The following USO1 variants were observed in gnomAD, a reference collection of about 807,000 sequenced individuals.
The protein encoded by USO1 is general vesicular transport factor p115.
Under a neutral mutation model 124.5 loss-of-function variants are expected in USO1, and 57 were observed. That is an observed-to-expected ratio of 0.46 (90% CI 0.37 to 0.57). The LOEUF (loss-of-function observed/expected upper bound fraction) is 0.57, where lower values mean the gene tolerates loss of function less well. USO1 is among the 20% of genes least tolerant of loss of function. USO1 has a pLI of 0.00. For missense variants in USO1, 900 were observed against 1,040.6 expected, an observed-to-expected ratio of 0.86 and a Z score of 1.86; for synonymous variants, 369 against 362.8, an observed-to-expected ratio of 1.02 and a Z score of -0.19.
intron 4 of USO1, chr4:75,767,676 T>A (rs1721805047): frequency 3.7e-6 from 1 of 272,738 alleles, no homozygotes; most frequent in Admixed American, 4.9e-5. Flanking sequence ...CAGGAGATCA[T>A]CCATTTTGAG....
At chr4:75,798,765 G>A (rs1722760746) in intron 13 of USO1, among the ~76,000 whole-genome samples, 1 of 151,846 alleles carries the variant, frequency 6.6e-6, no homozygotes, top group South Asian at 2.1e-4. Context: ...CATTTTATGA[G>A]ACTTTCCCCA....
At chr4:75,764,065 A>G (rs1322057363) in intron 4 of USO1, among the ~76,000 whole-genome samples, 1 of 152,224 alleles carries the variant, frequency 6.6e-6, no homozygotes, top group Non-Finnish European at 1.5e-5. Flanking sequence ...GTGTTAAACC[A>G]GAAGGAACCA....
chr4:75,770,678 G>C, intron 5 of USO1, 139 bp downstream of exon 5: 1 of 1,446,126 alleles, frequency 6.9e-7, no homozygotes, highest in Non-Finnish European at 9.1e-7. Context: ...CCACATGGAT[G>C]TTTCAAGAAC....
At chr4:75,812,848 C>T (rs1723188090) in intron 23 of USO1, among the ~76,000 whole-genome samples, 1 of 152,164 alleles carries the variant, frequency 6.6e-6, no homozygotes, top group African/African-American at 2.4e-5. Flanking sequence ...ACAGTGCTCA[C>T]ACCTGTAATC....
intron 4 of USO1, among the ~76,000 whole-genome samples, chr4:75,768,663 A>T (rs550299829): frequency 2.6e-5 from 4 of 152,346 alleles, no homozygotes; most frequent in African/African-American, 9.6e-5. Flanking sequence ...CTTCAGGTCA[A>T]TGTTGACTAG....
intron 4 of USO1, among the ~76,000 whole-genome samples, chr4:75,762,505 A>G (rs1721646260): frequency 1.3e-5 from 2 of 151,056 alleles, no homozygotes; most frequent in Non-Finnish European, 3.0e-5. Context: ...TTTTTTTTTT[A>G]AAGTATTTCT....
chr4:75,727,375 T>C (rs1720494992), intron 1 of USO1, among the ~76,000 whole-genome samples: 1 of 152,236 alleles, frequency 6.6e-6, no homozygotes, highest in Non-Finnish European at 1.5e-5. Context: ...TTCTTGTTCT[T>C]GCCTAACTTT....
Position 75,813,530 on chromosome 4 carries a change from T to C in USO1, c.*235T>C. 3.0e-6 allele frequency: 1 copy of C among 328,568 alleles called. No individual in the cohort carries two copies. The highest frequency in any genetic ancestry group is 5.3e-6 in the Non-Finnish European group (1 of 188,506). The allele number at this position is 328,568 out of a possible 1,614,324, so 20.4% of individuals were successfully genotyped here. A position where few individuals can be genotyped will look rare whatever the true frequency, so the allele number is the denominator to read the frequency against. ...ATCTGAACTGTCCCAAAATGTAATT[T>C]GCAAAGAGCTTCAAACACCAAAAAT... On this transcript the variant is annotated 3_prime_UTR_variant, in exon 24 of 24. Coordinates refer to ENST00000514213, the MANE Select transcript of USO1 (RefSeq NM_003715.4).
chr4:75,810,368 C>A, intron 21 of USO1, 64 bp from the exon 22 acceptor site: 2 of 1,484,212 alleles, frequency 1.3e-6, no homozygotes, highest in Non-Finnish European at 1.8e-6. Flanking sequence ...TTAAATAACC[C>A]TTTGGGAGTT....
Position 75,790,235 on chromosome 4 carries a change from C to G in USO1, c.1082C>G (p.Pro361Arg), listed in dbSNP as rs1208786831. 1 of 1,591,856 alleles carries G rather than the reference C, an allele frequency of 6.3e-7. No individual in the cohort carries two copies. ...FASVNAPSNP[P>R]RPAIVVLLMS... is the part of the protein sequence containing the mutation. ...TCTGTAAATGCACCTTCAAACCCAC[C>G]AAGGTAGAAAAAGGGAAATACTGAG... Residue 361 changes from proline (P) to arginine (R), a missense_variant, in exon 11 of 24, where the codon CCA becomes CGA. Physicochemically the swap from Pro to Arg is moderately radical, Grantham distance 103. This residue lies in a region of USO1 where 538 missense variants were observed against 681.6 expected (regional missense o/e 0.79). Transcript: ENST00000514213.
intron 1 of USO1, among the ~76,000 whole-genome samples, chr4:75,746,318 G>A (rs1721125704): frequency 6.6e-6 from 1 of 152,186 alleles, no homozygotes; most frequent in African/African-American, 2.4e-5. Context: ...AGGAAAGCCT[G>A]AAAATAGGAT....
chr4:75,765,437 T>C (rs324721), intron 4 of USO1, among the ~76,000 whole-genome samples: 137,422 of 152,060 alleles, frequency 0.9, 62,261 homozygotes, highest in African/African-American at 0.98. Context: ...TTATTGGGTA[T>C]GTAACATTTA....
At chr4:75,753,636 C>T (rs1413084550) in intron 3 of USO1, among the ~76,000 whole-genome samples, 2 of 151,762 alleles carry the variant, frequency 1.3e-5, no homozygotes, top group African/African-American at 4.8e-5. Flanking sequence ...GAGGATCACT[C>T]GAGCCCAGGA....
chr4:75,802,493 T>C (rs2149190902), intron 17 of USO1, among the ~76,000 whole-genome samples: 1 of 152,348 alleles, frequency 6.6e-6, no homozygotes, highest in Non-Finnish European at 1.5e-5. Flanking sequence ...CCATTTAAAA[T>C]GCTATTTGGC....
At chr4:75,795,476 CTT>C (rs1402837342) in intron 13 of USO1, 2 of 656,030 alleles carry the variant, frequency 3.0e-6, no homozygotes, top group Non-Finnish European at 5.5e-6. Context: ...TCTACTCACA[CTT>C]TTGCGTGTCA....
chr4:75,786,532 A>C (rs978957816), intron 9 of USO1, among the ~76,000 whole-genome samples: 3 of 152,224 alleles, frequency 2.0e-5, no homozygotes, highest in Non-Finnish European at 4.4e-5. Flanking sequence ...TAATCATAGA[A>C]TCATAGGGAT....
At chr4:75,795,557 A>G (rs1055149395) in intron 13 of USO1, among the ~76,000 whole-genome samples, 5 of 152,114 alleles carry the variant, frequency 3.3e-5, no homozygotes, top group East Asian at 1.9e-4. Context: ...GTGTTACTAA[A>G]CACTGTGGGA....
chr4:75,730,559 C>T (rs180782672), intron 1 of USO1, among the ~76,000 whole-genome samples: 2 of 151,596 alleles, frequency 1.3e-5, no homozygotes. Context: ...TCTTTATTTT[C>T]CTTTATTTCA....
At chr4:75,792,886 C>A (rs1722571191) in intron 12 of USO1, among the ~76,000 whole-genome samples, 1 of 152,050 alleles carries the variant, frequency 6.6e-6, no homozygotes, top group African/African-American at 2.4e-5. Context: ...TCCATGAATT[C>A]CCACAAATTT....
Sources: gnomAD v4.1 joint callset for allele counts (sites outside exome capture counted in the v4.1 genomes callset) on GRCh38, gnomAD v4.1.1 for gene constraint, gnomAD v4.1.1 regional missense constraint, MANE v1.5 for transcripts, NCBI Gene and HGNC (gene_info 2026-07-23, HGNC 2026-07-21) for gene names.